CGNL1: variants seen among roughly 807,000 people sequenced by gnomAD.
CGNL1 encodes the protein cingulin-like protein 1.
CGNL1 carries 132 observed loss-of-function variants against 141.2 expected under a neutral mutation model. That is an observed-to-expected ratio of 0.93 (90% CI 0.81 to 1.08). The LOEUF (loss-of-function observed/expected upper bound fraction) is 1.08. Among genes scored for constraint, CGNL1 ranks in the 50% least tolerant of loss-of-function variants. The pLI is 0.00. For missense variants in CGNL1, 1,870 were observed against 1,588.6 expected (o/e 1.18, Z -3.01); for synonymous variants, 690 against 622.1 (o/e 1.11, Z -1.63).
intron 8 of CGNL1, among the ~76,000 whole-genome samples, chr15:57,505,647 G>A (rs759017936): frequency 5.3e-5 from 8 of 152,306 alleles, no homozygotes; most frequent in Admixed American, 3.9e-4. Flanking sequence ...GCTTGTAGCA[G>A]TCTTGGCCCA....
chr15:57,539,697 T>C (rs2032456320), intron 14 of CGNL1, among the ~76,000 whole-genome samples: 1 of 152,252 alleles, frequency 6.6e-6, no homozygotes, highest in Admixed American at 6.5e-5. Context: ...CCGGCAGTCC[T>C]TGCCCTTCTT....
At chr15:57,489,759 T>C (rs1237712663) in intron 8 of CGNL1, among the ~76,000 whole-genome samples, 2 of 152,220 alleles carry the variant, frequency 1.3e-5, no homozygotes, top group Non-Finnish European at 2.9e-5. Flanking sequence ...TCCCAGACAT[T>C]AGTTTTGGTG....
intron 8 of CGNL1, 26 bp from the exon 9 acceptor site, chr15:57,516,753 TG>T: frequency 6.2e-7 from 1 of 1,609,646 alleles, no homozygotes; most frequent in Non-Finnish European, 8.5e-7. Flanking sequence ...TCAGTCTCCT[TG>T]TTCATTTGCT....
chr15:57,418,884 C>T (rs1245699333), intron 1 of CGNL1, among the ~76,000 whole-genome samples: 4 of 151,700 alleles, frequency 2.6e-5, no homozygotes, highest in Non-Finnish European at 5.9e-5. Context: ...GGACATGCAG[C>T]CCTGGAGTGA....
At chr15:57,470,301 T>G (rs2152344461) in intron 8 of CGNL1, among the ~76,000 whole-genome samples, 1 of 147,742 alleles carries the variant, frequency 6.8e-6, no homozygotes, top group Non-Finnish European at 1.5e-5. Flanking sequence ...CTTTTAATAG[T>G]TGTATAACTC....
intron 8 of CGNL1, among the ~76,000 whole-genome samples, chr15:57,511,584 G>T (rs1261419729): frequency 6.6e-6 from 1 of 152,170 alleles, no homozygotes; most frequent in Non-Finnish European, 1.5e-5. Context: ...AGCCCCACCA[G>T]CAATCGATGA....
rs1165845726 is a variant in CGNL1 at position 57,438,524 on chromosome 15, A to G, written c.525A>G (p.Leu175=). 2 of 1,614,106 alleles carry G rather than the reference A, an allele frequency of 1.2e-6. No homozygotes were observed. Among genetic ancestry groups the G allele is most frequent in the Admixed American group, 3.3e-5 (2 of 60,030 alleles). ...QNHQPSESNW[L]KTLTEEGINN... is the part of the protein sequence containing the mutation. Reference sequence around the variant, plus strand: ...ACCAGCCTTCTGAGAGTAATTGGCTAAAAACGTTGACAGAAGAAGGCATCA... The same window carrying G: ...ACCAGCCTTCTGAGAGTAATTGGCTGAAAACGTTGACAGAAGAAGGCATCA... The change falls in exon 2 of 19, where the codon CTA becomes CTG. Residue 175 remains leucine, a synonymous_variant. Transcript: ENST00000281282.
intron 8 of CGNL1, among the ~76,000 whole-genome samples, chr15:57,472,849 TTTTA>T (rs2063599989): frequency 6.6e-6 from 1 of 152,072 alleles, no homozygotes; most frequent in South Asian, 2.1e-4. Context: ...GGAGGAAAGT[TTTTA>T]TTTGTTTCTT....
In CGNL1 at chr15:57,546,248, G is replaced by T. The variant is rs987531796; in HGVS notation, c.3773+9G>T. On this transcript the variant is annotated intron_variant, in intron 18 of 18. Transcript: ENST00000281282. ...ATGAAGAAGGACTTAAGGTGGGCAG[G>T]TGTGGAGGCCACAGAGGGCCGGGTA... The T allele has an allele frequency of 1.3e-6, 2 of 1,566,498 alleles. No individual in the cohort carries two copies. The highest frequency in any genetic ancestry group is 2.7e-5 in the African/African-American group (2 of 73,664).
intron 8 of CGNL1, among the ~76,000 whole-genome samples, chr15:57,508,823 C>T (rs766825285): frequency 1.6e-4 from 25 of 152,332 alleles, no homozygotes; most frequent in Admixed American, 4.6e-4. Flanking sequence ...ATGCAGAGTC[C>T]TGGGTCCCAC....
At chr15:57,472,675 T>C (rs1179043094) in intron 8 of CGNL1, among the ~76,000 whole-genome samples, 1 of 152,108 alleles carries the variant, frequency 6.6e-6, no homozygotes, top group African/African-American at 2.4e-5. Flanking sequence ...GAGAAAGGGA[T>C]GGGAATAGGA....
At chr15:57,538,887 G>A (rs569747438) in intron 14 of CGNL1, among the ~76,000 whole-genome samples, 55 of 152,280 alleles carry the variant, frequency 3.6e-4, no homozygotes, top group African/African-American at 1.3e-3. Flanking sequence ...ACACAACGGG[G>A]AGGGGAAAAA....
intron 3 of CGNL1, among the ~76,000 whole-genome samples, chr15:57,441,679 A>C (rs1460541314): frequency 6.6e-6 from 1 of 152,140 alleles, no homozygotes; most frequent in African/African-American, 2.4e-5. Context: ...AAAATTCATT[A>C]AATTCTTTTA....
chr15:57,420,325 T>G (rs563759066), intron 1 of CGNL1, among the ~76,000 whole-genome samples: 1 of 152,228 alleles, frequency 6.6e-6, no homozygotes, highest in African/African-American at 2.4e-5. Flanking sequence ...AACATAGATG[T>G]GTACACTAGC....
chr15:57,422,121 A>AAAACAG (rs1380872054), intron 1 of CGNL1, among the ~76,000 whole-genome samples: 1 of 151,660 alleles, frequency 6.6e-6, no homozygotes, highest in Non-Finnish European at 1.5e-5. Flanking sequence ...AACAAAAACA[A>AAAACAG]AAAACCCTTA....
chr15:57,463,667 A>C, intron 8 of CGNL1, among the ~76,000 whole-genome samples: 1 of 152,224 alleles, frequency 6.6e-6, no homozygotes, highest in East Asian at 1.9e-4. Flanking sequence ...GCCTTTGCTT[A>C]AGTAACTTGC....
rs116754058 is a variant in CGNL1 at position 57,453,653 on chromosome 15, G to C, written c.2055-30G>C. The C allele has an allele frequency of 8.4e-4, 1,353 of 1,612,036 alleles. 8 individuals are homozygous for C. In the African/African-American group the frequency reaches 0.016, roughly 19 times the overall value. On this transcript the variant is annotated intron_variant, in intron 6 of 18. Coordinates refer to ENST00000281282, the MANE Select transcript of CGNL1 (RefSeq NM_032866.5). ...ATGGAAATAAGCAGAGCCCAGAAGA[G>C]CCTGTCTAATGGGCTTCCTTCCCTG...
rs75020919 is a variant in CGNL1, at chr15:57,398,709, G to A, written c.-16+22142G>A. Among the ~76,000 whole-genome samples the A allele has an allele frequency of 6.3e-3, 963 of 152,316 alleles. 6 individuals are homozygous for A. Among genetic ancestry groups the A allele is most frequent in the African/African-American group, 0.022 (932 of 41,572 alleles). On this transcript the variant is annotated intron_variant, in intron 1 of 18. Transcript: ENST00000281282. ...AAATTGAGTTTACTCAAACCGGCAG[G>A]TTGTTGGGAAGGTACACATACCTCT...
intron 1 of CGNL1, among the ~76,000 whole-genome samples, chr15:57,422,448 T>C (rs1387244908): frequency 6.6e-6 from 1 of 152,192 alleles, no homozygotes; most frequent in Non-Finnish European, 1.5e-5. Context: ...ACTGAGCTCC[T>C]AGGAGAAAAT....
Sources: allele counts gnomAD v4.1 joint callset (sites outside exome capture counted in the v4.1 genomes callset), GRCh38; gene constraint gnomAD v4.1.1; transcripts MANE v1.5; gene names NCBI Gene and HGNC (gene_info 2026-07-23, HGNC 2026-07-21).